CTDSPL: variants seen among roughly 807,000 people sequenced by gnomAD.
CTDSPL encodes the protein CTD small phosphatase like.
A neutral mutation model predicts 30.5 loss-of-function variants in CTDSPL; 8 were observed. That is an observed-to-expected ratio of 0.26 (90% CI 0.15 to 0.47). The LOEUF (loss-of-function observed/expected upper bound fraction) is 0.47, where lower values mean the gene tolerates loss of function less well. CTDSPL is among the 20% of genes least tolerant of loss of function. The pLI is 0.99. For missense variants in CTDSPL, 248 were observed against 366.1 expected (o/e 0.68, Z 2.63); for synonymous variants, 110 against 137.9 (o/e 0.80, Z 1.42).
chr3:37,960,535 T>TATATATATACACACACAC (rs1327299412), intron 3 of CTDSPL, among the ~76,000 whole-genome samples: 1 of 16,300 alleles, frequency 6.1e-5, no homozygotes. Flanking sequence ...TATATATATA[T>TATATATATACACACACAC]ACACACACAC....
intron 1 of CTDSPL, among the ~76,000 whole-genome samples, chr3:37,907,982 CAG>C (rs1422352109): frequency 1.4e-4 from 22 of 152,222 alleles, no homozygotes; most frequent in Non-Finnish European, 2.5e-4. Flanking sequence ...GCAAAACAAA[CAG>C]AAAGTCTGCA....
intron 6 of CTDSPL, among the ~76,000 whole-genome samples, chr3:37,971,991 C>A (rs1462106414): frequency 3.9e-5 from 6 of 152,240 alleles, no homozygotes; most frequent in African/African-American, 1.4e-4. Flanking sequence ...AGTTACTTCA[C>A]TTCTCATGTC....
chr3:37,869,321 A>G (rs1698047250), intron 1 of CTDSPL, among the ~76,000 whole-genome samples: 1 of 152,150 alleles, frequency 6.6e-6, no homozygotes, highest in Non-Finnish European at 1.5e-5. Context: ...AAAACTATAT[A>G]GTATTGTTGC....
Position 37,947,218 on chromosome 3 carries a change from A to G in CTDSPL, c.234+7A>G. The stretch of plus-strand genomic sequence containing the variant: ...GAATGGTGGGCTTCAGAAGGTCAGT[A>G]CTGGTGAGGAACTGTGCCCTCCATA... On this transcript the variant is annotated splice_region_variant and intron_variant, in intron 2 of 7. Coordinates refer to ENST00000273179, the MANE Select transcript of CTDSPL (RefSeq NM_001008392.2). 6.2e-7 allele frequency: 1 copy of G among 1,610,616 alleles called. No homozygotes were observed. The highest frequency in any genetic ancestry group is 8.5e-7 in the Non-Finnish European group (1 of 1,179,108).
chr3:37,939,138 A>G (rs1698949625), intron 1 of CTDSPL, among the ~76,000 whole-genome samples: 1 of 150,280 alleles, frequency 6.7e-6, no homozygotes, highest in African/African-American at 2.4e-5. Context: ...TTGTCTGGAT[A>G]CAAGCTAAAT....
At chr3:37,968,247 C>T (rs1405671329) in intron 5 of CTDSPL, 2 of 462,444 alleles carry the variant, frequency 4.3e-6, no homozygotes, top group African/African-American at 2.0e-5. Flanking sequence ...AAGTCACCCA[C>T]TTATGGTGGA....
intron 3 of CTDSPL, among the ~76,000 whole-genome samples, chr3:37,958,290 A>T (rs1286778667): frequency 6.6e-6 from 1 of 152,190 alleles, no homozygotes; most frequent in East Asian, 1.9e-4. Flanking sequence ...GACTTTGCCC[A>T]TGTGCCTGAG....
chr3:37,901,512 A>G (rs1487804894), intron 1 of CTDSPL, among the ~76,000 whole-genome samples: 2 of 152,208 alleles, frequency 1.3e-5, no homozygotes, highest in Non-Finnish European at 2.9e-5. Context: ...TGTCTAAGGC[A>G]CTAAAACAGA....
At chr3:37,962,689 ATTAAT>A (rs1230702717) in intron 3 of CTDSPL, among the ~76,000 whole-genome samples, 1 of 152,256 alleles carries the variant, frequency 6.6e-6, no homozygotes, top group African/African-American at 2.4e-5. Context: ...TAACAATTAA[ATTAAT>A]AAGTTAAAAC....
chr3:37,901,399 C>T (rs564847895), intron 1 of CTDSPL, among the ~76,000 whole-genome samples: 71 of 152,300 alleles, frequency 4.7e-4, no homozygotes, highest in African/African-American at 1.7e-3. Flanking sequence ...TACACAACCC[C>T]TCTGCTCCCA....
chr3:37,894,449 C>T (rs529804408), intron 1 of CTDSPL, among the ~76,000 whole-genome samples: 4 of 151,980 alleles, frequency 2.6e-5, no homozygotes, highest in Admixed American at 6.6e-5. Context: ...CTCCTGGCAT[C>T]CTTGGTTTCT....
At chr3:37,964,985 C>T (rs568155161) in intron 4 of CTDSPL, among the ~76,000 whole-genome samples, 1 of 152,236 alleles carries the variant, frequency 6.6e-6, no homozygotes, top group East Asian at 1.9e-4. Context: ...TCAGTGCCCC[C>T]AGGATACTGT....
chr3:37,952,142 C>G (rs6781489), intron 2 of CTDSPL, among the ~76,000 whole-genome samples: 32,476 of 151,564 alleles, frequency 0.21, 5,031 homozygotes, highest in African/African-American at 0.44. Flanking sequence ...ACTCCACTGC[C>G]CTCCAGCCTG....
At chr3:37,922,695 A>G (rs1470872451) in intron 1 of CTDSPL, among the ~76,000 whole-genome samples, 1 of 152,226 alleles carries the variant, frequency 6.6e-6, no homozygotes, top group East Asian at 1.9e-4. Flanking sequence ...TAGCATGGGC[A>G]CTTTGTCACT....
intron 6 of CTDSPL, among the ~76,000 whole-genome samples, chr3:37,972,577 C>A (rs1415367001): frequency 6.6e-6 from 1 of 152,220 alleles, no homozygotes; most frequent in Non-Finnish European, 1.5e-5. Flanking sequence ...GACCTAAAAT[C>A]TACACTGGCT....
chr3:37,968,202 G>T, intron 5 of CTDSPL: 1 of 463,910 alleles, frequency 2.2e-6, no homozygotes, highest in Non-Finnish European at 4.2e-6. Flanking sequence ...AATTGCTTTC[G>T]GCTACTCTCC....
chr3:37,970,516 T>G (rs545930415), intron 5 of CTDSPL, among the ~76,000 whole-genome samples: 2 of 152,334 alleles, frequency 1.3e-5, no homozygotes, highest in East Asian at 3.9e-4. Flanking sequence ...AAACGGAATT[T>G]ATTCAAGTTT....
chr3:37,874,802 T>C (rs991196888), intron 1 of CTDSPL, among the ~76,000 whole-genome samples: 5 of 152,090 alleles, frequency 3.3e-5, no homozygotes, highest in Non-Finnish European at 5.9e-5. Context: ...CTTCATTTGC[T>C]TTGATGGTAA....
At chr3:37,947,375 A>G (rs963026489) in intron 2 of CTDSPL, among the ~76,000 whole-genome samples, 164 bp downstream of exon 2, 4 of 152,132 alleles carry the variant, frequency 2.6e-5, no homozygotes, top group East Asian at 1.9e-4. Context: ...CCTGGCCAAT[A>G]TAGTGAAACC....
Sources: allele counts gnomAD v4.1 joint callset (sites outside exome capture counted in the v4.1 genomes callset), GRCh38; gene constraint gnomAD v4.1.1; transcripts MANE v1.5; gene names NCBI Gene and HGNC (gene_info 2026-07-23, HGNC 2026-07-21).